Variants in CRPPA observed in about 807,000 individuals in gnomAD.
CRPPA encodes D-ribitol-5-phosphate cytidylyltransferase.
In CRPPA, 43 loss-of-function variants were observed where a neutral mutation model predicts 52.0. That is an observed-to-expected ratio of 0.83 (90% CI 0.65 to 1.07). CRPPA has a LOEUF of 1.07. CRPPA is among the 50% of genes least tolerant of loss of function. The probability of loss-of-function intolerance (pLI) is 0.00; values close to 1 mark genes in which losing one functional copy is unlikely to be tolerated. For synonymous variants in CRPPA, 250 were observed against 203.5 expected (o/e 1.23, Z -1.94); for missense variants, 629 against 551.7 (o/e 1.14, Z -1.40).
At chr7:16,112,535 C>T (rs1259627111) in intron 9 of CRPPA, among the ~76,000 whole-genome samples, 1 of 152,036 alleles carries the variant, frequency 6.6e-6, no homozygotes, top group African/African-American at 2.4e-5. Flanking sequence ...TTGCTTTTAA[C>T]AGACAAGAAT....
chr7:16,103,181 A>G (rs1482957213), intron 9 of CRPPA, among the ~76,000 whole-genome samples: 1 of 152,188 alleles, frequency 6.6e-6, no homozygotes, highest in Non-Finnish European at 1.5e-5. Context: ...GGAAACCATC[A>G]TTCTCAGCAG....
At chr7:16,166,332 T>G (rs1240914429) in intron 9 of CRPPA, among the ~76,000 whole-genome samples, 6 of 151,920 alleles carry the variant, frequency 3.9e-5, no homozygotes, top group African/African-American at 1.5e-4. Context: ...CAGGCTAGAG[T>G]GCAGTGGCAT....
At chr7:16,395,699 T>G (rs938972046) in intron 2 of CRPPA, among the ~76,000 whole-genome samples, 1 of 152,210 alleles carries the variant, frequency 6.6e-6, no homozygotes, top group African/African-American at 2.4e-5. Context: ...CATTTTACAT[T>G]CTACCTATAA....
rs2128318410 is a variant in CRPPA at position 16,406,043 on chromosome 7, T to C, written c.534+18A>G. The C allele has an allele frequency of 6.2e-7, 1 of 1,608,088 alleles. No individual in the cohort carries two copies. The highest frequency in any genetic ancestry group is 8.5e-7 in the Non-Finnish European group (1 of 1,175,974). On this transcript the variant is annotated intron_variant, in intron 2 of 9. Coordinates refer to ENST00000407010, the MANE Select transcript of CRPPA (RefSeq NM_001101426.4). ...CAGTGCTTGTCCCTTCTATCTAGACTCAAGAAAAAAGACTTACCCCGTGTT... is the reference window on the plus strand; with the variant it reads ...CAGTGCTTGTCCCTTCTATCTAGACCCAAGAAAAAAGACTTACCCCGTGTT...
At chr7:16,179,046 G>C (rs913877434) in intron 9 of CRPPA, among the ~76,000 whole-genome samples, 1 of 151,460 alleles carries the variant, frequency 6.6e-6, no homozygotes, top group Non-Finnish European at 1.5e-5. Context: ...AGACACTGTT[G>C]GAAAATCAAA....
At chr7:16,314,333 T>C (rs1225392675) in intron 3 of CRPPA, among the ~76,000 whole-genome samples, 3 of 152,080 alleles carry the variant, frequency 2.0e-5, no homozygotes, top group Non-Finnish European at 4.4e-5. Context: ...GGTGTGCCAC[T>C]TGGTGAATAG....
intron 8 of CRPPA, among the ~76,000 whole-genome samples, chr7:16,239,063 G>C (rs554272017): frequency 6.8e-6 from 1 of 147,948 alleles, no homozygotes; most frequent in African/African-American, 2.5e-5. Flanking sequence ...TGCTTGAACT[G>C]TGAGGCAGAG....
intron 9 of CRPPA, among the ~76,000 whole-genome samples, chr7:16,117,325 C>G (rs73291853): frequency 6.6e-6 from 1 of 152,138 alleles, no homozygotes; most frequent in Non-Finnish European, 1.5e-5. Flanking sequence ...TCTTTGGAAG[C>G]GACTCTGAAC....
chr7:16,421,158 C>G lies in CRPPA; in HGVS notation c.165G>C (p.Gly55=). 7.5e-7 allele frequency: 1 copy of G among 1,334,316 alleles called. No homozygotes were observed. The highest frequency in any genetic ancestry group is 9.6e-7 in the Non-Finnish European group (1 of 1,037,178). The allele number at this position is 1,334,316 out of a possible 1,614,324, so 82.7% of individuals were successfully genotyped here. ...QAVAAVLPAG[G]CGERMGVPTP... Reference sequence around the variant, plus strand: ...TGGGGACCCCCATCCTCTCCCCGCACCCCCCGGCAGGCAACACAGCTGCCA... The same window carrying G: ...TGGGGACCCCCATCCTCTCCCCGCAGCCCCCGGCAGGCAACACAGCTGCCA... Residue 55 remains glycine (G), a synonymous_variant, in exon 1 of 10, where the codon GGG becomes GGC. Coordinates refer to ENST00000407010, the MANE Select transcript of CRPPA (RefSeq NM_001101426.4).
At chr7:16,131,332 A>C (rs1782677111) in intron 9 of CRPPA, among the ~76,000 whole-genome samples, 1 of 152,236 alleles carries the variant, frequency 6.6e-6, no homozygotes, top group Non-Finnish European at 1.5e-5. Context: ...CTTACAGAAT[A>C]AGTGTTCCTG....
At chr7:16,303,788 G>C (rs1784846056) in intron 4 of CRPPA, among the ~76,000 whole-genome samples, 1 of 152,062 alleles carries the variant, frequency 6.6e-6, no homozygotes. Context: ...ACCAAATAGA[G>C]ACTACTTTGT....
intron 9 of CRPPA, among the ~76,000 whole-genome samples, chr7:16,111,860 T>G (rs143623745): frequency 6.6e-6 from 1 of 152,184 alleles, no homozygotes; most frequent in East Asian, 1.9e-4. Flanking sequence ...GTGGTGAATA[T>G]AGTTAATAAT....
At chr7:16,383,277 G>A (rs1427788274) in intron 2 of CRPPA, among the ~76,000 whole-genome samples, 2 of 152,172 alleles carry the variant, frequency 1.3e-5, no homozygotes, top group East Asian at 3.9e-4. Flanking sequence ...TGTTTGCCTG[G>A]GTATCAGCAG....
intron 9 of CRPPA, among the ~76,000 whole-genome samples, chr7:16,115,777 A>G (rs528846376): frequency 6.6e-6 from 1 of 152,336 alleles, no homozygotes; most frequent in Admixed American, 6.5e-5. Flanking sequence ...CCCATTCACC[A>G]CATGTGGGAA....
rs553625816 is a variant in CRPPA, at chr7:16,164,821, G to A, written c.1251+51245C>T. The stretch of plus-strand genomic sequence containing the variant: ...TCCACTACAGACACTGTTTGCCCAC[G>A]TATTGCCAGCAGAGGCTGCAGAACA... On this transcript the variant is annotated intron_variant, in intron 9 of 9. Transcript: ENST00000407010. Among the ~76,000 whole-genome samples the A allele has an allele frequency of 2.6e-4, 40 of 152,262 alleles. 1 individual carries two copies. In the East Asian group the frequency reaches 3.5e-3, roughly 13 times the overall value.
intron 2 of CRPPA, among the ~76,000 whole-genome samples, chr7:16,395,132 C>T (rs890634200): frequency 6.6e-6 from 1 of 152,138 alleles, no homozygotes; most frequent in Non-Finnish European, 1.5e-5. Flanking sequence ...ACAAATGTCT[C>T]CTCAAGTACC....
chr7:16,200,056 C>A (rs961167867), intron 9 of CRPPA, among the ~76,000 whole-genome samples: 13 of 152,076 alleles, frequency 8.5e-5, no homozygotes, highest in African/African-American at 3.1e-4. Context: ...TGGGATTTTA[C>A]CATGTTGGCC....
intron 2 of CRPPA, among the ~76,000 whole-genome samples, chr7:16,399,140 G>T (rs764166942): frequency 2.6e-5 from 4 of 152,336 alleles, no homozygotes; most frequent in Middle Eastern, 3.4e-3. Flanking sequence ...TCACCAATGT[G>T]TGACCAAAGC....
At chr7:16,396,615 C>T (rs1419061688) in intron 2 of CRPPA, among the ~76,000 whole-genome samples, 2 of 152,226 alleles carry the variant, frequency 1.3e-5, no homozygotes, top group Non-Finnish European at 2.9e-5. Flanking sequence ...GAAAAAGATA[C>T]TTACACATGC....
Sources: gnomAD v4.1 joint callset for allele counts (sites outside exome capture counted in the v4.1 genomes callset) on GRCh38, gnomAD v4.1.1 for gene constraint, MANE v1.5 for transcripts, NCBI Gene and HGNC (gene_info 2026-07-23, HGNC 2026-07-21) for gene names.